ANO2: variants seen among roughly 807,000 people sequenced by gnomAD.
ANO2 encodes anoctamin 2, also known as anoctamin-2.
Under a neutral mutation model 124.2 loss-of-function variants are expected in ANO2, and 101 were observed. That is an observed-to-expected ratio of 0.81 (90% confidence interval 0.69 to 0.96). ANO2 has a LOEUF of 0.96. Ranked by LOEUF, ANO2 falls within the 40% of genes least tolerant of loss-of-function variation. The pLI, the probability that ANO2 is intolerant of heterozygous loss-of-function variation, is 0.00. For missense variants in ANO2, 1,293 were observed against 1,274.5 expected (o/e 1.01, Z -0.22); for synonymous variants, 486 against 482.5 (o/e 1.01, Z -0.09).
At chr12:5,929,241 T>C (rs1398470835) in intron 1 of ANO2, among the ~76,000 whole-genome samples, 1 of 137,442 alleles carries the variant, frequency 7.3e-6, no homozygotes, top group African/African-American at 3.1e-5. Context: ...TTCTTACCAG[T>C]CTTCCTTCCT....
At chr12:5,680,010 C>T (rs1337587053) in intron 14 of ANO2, among the ~76,000 whole-genome samples, 5 of 152,116 alleles carry the variant, frequency 3.3e-5, no homozygotes, top group Non-Finnish European at 7.3e-5. Context: ...AGTTGGAAGC[C>T]ATTATTCTCG....
At chr12:5,565,416 C>T in intron 24 of ANO2, 142 bp downstream of exon 24, 1 of 744,542 alleles carries the variant, frequency 1.3e-6, no homozygotes, top group Non-Finnish European at 2.2e-6. Flanking sequence ...GAAAGGAGCC[C>T]TCACTTCTGC....
At chr12:5,886,643 A>G (rs185952888) in intron 3 of ANO2, among the ~76,000 whole-genome samples, 2 of 152,344 alleles carry the variant, frequency 1.3e-5, no homozygotes, top group South Asian at 2.1e-4. Context: ...TAGATGTTGG[A>G]TATGTCTATT....
chr12:5,903,436 A>G (rs1940455734), intron 3 of ANO2, among the ~76,000 whole-genome samples: 1 of 152,236 alleles, frequency 6.6e-6, no homozygotes, highest in Non-Finnish European at 1.5e-5. Context: ...CAATTCAGCC[A>G]GATTACTTAT....
chr12:5,917,023 T>C (rs1227624610), intron 3 of ANO2, among the ~76,000 whole-genome samples: 1 of 152,168 alleles, frequency 6.6e-6, no homozygotes, highest in Non-Finnish European at 1.5e-5. Flanking sequence ...CTGTGTCACC[T>C]GGAGTAGCCT....
chr12:5,756,304 T>A (rs1951579044), intron 10 of ANO2, among the ~76,000 whole-genome samples: 1 of 152,048 alleles, frequency 6.6e-6, no homozygotes, highest in African/African-American at 2.4e-5. Context: ...GCAGCTCATT[T>A]AAGACAATTA....
chr12:5,829,356 G>GA lies in ANO2; in HGVS notation c.840+1078dup, dbSNP rs559306240. ...GGGACGTTAATGCCTTTTTCCATTG[G>GA]AAAAAAAAAGAGATCTATGCCCATT... On this transcript the variant is annotated intron_variant, in intron 6 of 24. Transcript: ENST00000682330. Among the ~76,000 whole-genome samples, 21 of 150,246 alleles carry GA rather than the reference G, an allele frequency of 1.4e-4. No individual in the cohort carries two copies. In the East Asian group the frequency reaches 1.8e-3, roughly 13 times the overall value.
chr12:5,667,135 G>A (rs1388617479), intron 14 of ANO2, among the ~76,000 whole-genome samples: 3 of 152,166 alleles, frequency 2.0e-5, no homozygotes, highest in African/African-American at 7.2e-5. Flanking sequence ...CCCACCCTAT[G>A]CATTTCTTCC....
chr12:5,750,089 C>T (rs1466064229), intron 11 of ANO2, among the ~76,000 whole-genome samples: 1 of 152,076 alleles, frequency 6.6e-6, no homozygotes, highest in Non-Finnish European at 1.5e-5. Flanking sequence ...TGCCACCAAA[C>T]CAAGCCCAGC....
chr12:5,700,833 C>A (rs4930791), intron 14 of ANO2, among the ~76,000 whole-genome samples: 9 of 152,078 alleles, frequency 5.9e-5, no homozygotes, highest in African/African-American at 2.2e-4. Flanking sequence ...GGACTCCTCA[C>A]GTCTGTTTGA....
intron 3 of ANO2, among the ~76,000 whole-genome samples, chr12:5,876,845 G>A (rs888381914): frequency 6.6e-6 from 1 of 152,156 alleles, no homozygotes; most frequent in African/African-American, 2.4e-5. Flanking sequence ...GGGGTTAGGG[G>A]AGGGATAGCA....
At chr12:5,882,865 A>G (rs1358460436) in intron 3 of ANO2, among the ~76,000 whole-genome samples, 3 of 152,340 alleles carry the variant, frequency 2.0e-5, no homozygotes, top group Non-Finnish European at 4.4e-5. Flanking sequence ...GGGTCCTCAG[A>G]GCCACAAAGG....
At chr12:5,836,319 AC>A (rs1425639587) in intron 4 of ANO2, among the ~76,000 whole-genome samples, 3 of 152,236 alleles carry the variant, frequency 2.0e-5, no homozygotes, top group Admixed American at 2.0e-4. Flanking sequence ...CCTACTTAAA[AC>A]TTTTTAAAAA....
At position 5,867,339 on chromosome 12, in the gene ANO2, A is replaced by T. The variant is rs144195595; in HGVS notation, c.535-13198T>A. 5.2e-3 allele frequency among the ~76,000 whole-genome samples: 795 copies of T among 152,316 alleles called. 7 individuals are homozygous for T. Among genetic ancestry groups the T allele is most frequent in the African/African-American group, 0.018 (764 of 41,570 alleles). On this transcript the variant is annotated intron_variant, in intron 3 of 24. Coordinates refer to ENST00000682330, the MANE Select transcript of ANO2 (RefSeq NM_001364791.2). ...TCCAAGTGGTTTCTGTGGCACTTGT[A>T]TGCAAACCCCAAGAACTGTAGTCCT...
At chr12:5,754,618 T>A (rs985717428) in intron 10 of ANO2, among the ~76,000 whole-genome samples, 3 of 152,208 alleles carry the variant, frequency 2.0e-5, no homozygotes, top group Non-Finnish European at 4.4e-5. Flanking sequence ...TGAATCTACT[T>A]ATTTGTCATT....
chr12:5,808,123 T>G (rs1294030062), intron 7 of ANO2, among the ~76,000 whole-genome samples: 1 of 152,254 alleles, frequency 6.6e-6, no homozygotes, highest in Non-Finnish European at 1.5e-5. Context: ...GACATAGTCA[T>G]GCAAACACCC....
At chr12:5,610,723 C>CATATATACATATACATATATATATATAT (rs1555100504) in intron 19 of ANO2, among the ~76,000 whole-genome samples, 1 of 116,898 alleles carries the variant, frequency 8.6e-6, no homozygotes, top group African/African-American at 3.4e-5. Context: ...CACATATATA[C>CATATATACATATACATATATATATATAT]ATATATATAT....
chr12:5,731,633 A>G (rs10774370), intron 14 of ANO2, among the ~76,000 whole-genome samples: 60,427 of 151,606 alleles, frequency 0.4, 13,001 homozygotes, highest in African/African-American at 0.56. Flanking sequence ...TTTCAAAGAC[A>G]GGTGGCACAC....
intron 16 of ANO2, among the ~76,000 whole-genome samples, chr12:5,631,868 G>A (rs1945736406): frequency 6.6e-6 from 1 of 152,244 alleles, no homozygotes; most frequent in South Asian, 2.1e-4. Context: ...TAGGACCAAG[G>A]GAAGCTGTCT....
Sources: gnomAD v4.1 joint callset for allele counts (sites outside exome capture counted in the v4.1 genomes callset) on GRCh38, gnomAD v4.1.1 for gene constraint, MANE v1.5 for transcripts, NCBI Gene and HGNC (gene_info 2026-07-23, HGNC 2026-07-21) for gene names.